Variants in HOOK2 observed in about 807,000 individuals in gnomAD.
HOOK2 encodes protein Hook homolog 2.
HOOK2 carries 108 observed loss-of-function variants against 111.9 expected under a neutral mutation model. The observed-to-expected ratio is 0.96, with a 90% CI of 0.83 to 1.13. The LOEUF is 1.13. Ranked by LOEUF, HOOK2 falls within the 50% of genes most tolerant of loss-of-function variation. The pLI, the probability that HOOK2 is intolerant of heterozygous loss-of-function variation, is 0.00. For missense variants in HOOK2, 978 were observed against 951.3 expected (o/e 1.03, Z -0.37); for synonymous variants, 405 against 394.3 (o/e 1.03, Z -0.32).
rs1599520330 is a variant in HOOK2 at position 12,785,314 on chromosome 19, A to C, written n.42-11089T>G. On this transcript the variant is annotated intron_variant and non_coding_transcript_variant, in intron 3 of 3. Coordinates refer to the HOOK2 transcript ENST00000589765. Reference sequence around the variant, plus strand: ...CTCTTTTTCACACACACACACACACACCAGATCGTATACACACATACATAC... The same window carrying C: ...CTCTTTTTCACACACACACACACACCCCAGATCGTATACACACATACATAC... 2.6e-5 allele frequency among the ~76,000 whole-genome samples: 4 copies of C among 151,266 alleles called. No individual in the cohort carries two copies. The Middle Eastern group carries it at 0.014, about 515-fold the overall frequency.
chr19:12,767,816 C>G lies in HOOK2; in HGVS notation c.1303G>C (p.Asp435His). Residue 435 changes from aspartate to histidine, a missense_variant and splice_region_variant, in exon 13 of 23, where the codon GAT (aspartate) becomes CAT (histidine). This residue lies in a region of HOOK2 where 388 missense variants were observed against 358.3 expected (regional missense o/e 1.08). Coordinates refer to ENST00000397668, the MANE Select transcript of HOOK2 (RefSeq NM_013312.3). The stretch of plus-strand genomic sequence containing the variant: ...ACCCCGGGATGGGGCTTCATCTCAC[C>G]GGCCTGGGTCAACCCCCGCGGCTGC... The part of the protein sequence containing the change: ...QLQPRGLTQA[D>H]PSLDPTSTPV... 1 of 1,601,204 alleles carries G rather than the reference C, an allele frequency of 6.2e-7. No homozygotes were observed. Among genetic ancestry groups the G allele is most frequent in the Non-Finnish European group, 8.5e-7 (1 of 1,179,594 alleles).
upstream of HOOK2, among the ~76,000 whole-genome samples, chr19:12,781,532 T>A (rs908914772): frequency 2.6e-5 from 4 of 151,744 alleles, no homozygotes; most frequent in African/African-American, 9.7e-5. Flanking sequence ...TTCAGTGTGT[T>A]AGCCAGGATG....
rs746421791 is a variant in HOOK2 at position 12,763,475 on chromosome 19, C to A, written c.2011-44G>T. ...TTGGGGTCAGGTGAGCTCACAGGAC[C>A]CCCCCACCAATATTCTACCCATGAG... On this transcript the variant is annotated intron_variant, in intron 22 of 22. Transcript: ENST00000397668. The A allele has an allele frequency of 3.1e-6, 5 of 1,613,436 alleles. No homozygotes were observed. In the Admixed American group the frequency reaches 6.7e-5, roughly 22 times the overall value.
At chr19:12,765,762 G>C in intron 17 of HOOK2, 38 bp from the exon 18 acceptor site, 1 of 1,614,178 alleles carries the variant, frequency 6.2e-7, no homozygotes, top group Non-Finnish European at 8.5e-7. Context: ...GGGGGATCCA[G>C]AGAGGCCCTA....
chr19:12,774,808 T>G lies in HOOK2; in HGVS notation c.131+4A>C. On this transcript the variant is annotated splice_donor_region_variant and intron_variant, in intron 2 of 22. Transcript: ENST00000397668. Reference sequence around the variant, plus strand: ...TTGGGATCCTCCCCTTCAGCTCCACTCACATCTGGTTCAGCACATAGGCTA... The same window carrying G: ...TTGGGATCCTCCCCTTCAGCTCCACGCACATCTGGTTCAGCACATAGGCTA... 6.2e-7 allele frequency: 1 copy of G among 1,613,924 alleles called. No homozygotes were observed. The highest frequency in any genetic ancestry group is 8.5e-7 in the Non-Finnish European group (1 of 1,179,920).
At chr19:12,774,942 G>A in intron 1 of HOOK2, 45 bp from the exon 2 acceptor site, 1 of 1,546,276 alleles carries the variant, frequency 6.5e-7, no homozygotes, top group Middle Eastern at 1.9e-4. Context: ...GGGCCTGGGA[G>A]CGCCGAACCG....
intron 10 of HOOK2, among the ~76,000 whole-genome samples, 177 bp from the exon 11 acceptor site, chr19:12,770,259 A>G (rs1311367553): frequency 6.6e-6 from 1 of 151,906 alleles, no homozygotes; most frequent in African/African-American, 2.4e-5. Flanking sequence ...GTTGAGAGTC[A>G]TTACAGCAAT....
Position 12,770,006 on chromosome 19 carries a change from G to T in HOOK2, c.979C>A (p.Leu327Met). The T allele has an allele frequency of 6.5e-7, 1 of 1,542,576 alleles. No individual in the cohort carries two copies. Among genetic ancestry groups the T allele is most frequent in the Non-Finnish European group, 8.7e-7 (1 of 1,147,994 alleles). ...TCCAGCTGCCGCACCTGCCGCCGCAGCTCCCTCAGCTCGCCCAAGCGGCGC... is the reference window on the plus strand; with the variant it reads ...TCCAGCTGCCGCACCTGCCGCCGCATCTCCCTCAGCTCGCCCAAGCGGCGC... ...CRRRLGELRE[L>M]RRQVRQLEER... The change falls in exon 11 of 23, where the codon CTG becomes ATG. Residue 327 changes from leucine (L) to methionine (M), a missense_variant. Leu to Met is a conservative substitution (Grantham distance 15, BLOSUM62 2). Coordinates refer to ENST00000397668, the MANE Select transcript of HOOK2 (RefSeq NM_013312.3).
In HOOK2 at chr19:12,767,922, A is replaced by C. The variant is rs1286641968; in HGVS notation, c.1216-19T>G. 1 of 1,611,696 alleles carries C rather than the reference A, an allele frequency of 6.2e-7. No homozygotes were observed. The highest frequency in any genetic ancestry group is 8.5e-7 in the Non-Finnish European group (1 of 1,179,074). On this transcript the variant is annotated intron_variant, in intron 12 of 22. Transcript: ENST00000397668. ...ACAGCCGCTGCAGGGACAGGGTACA[A>C]GACACTCCACGGGTCAGGCTCGGCC... is the stretch of plus-strand genomic sequence containing the variant.
chr19:12,767,032 G>A (rs984482767), intron 14 of HOOK2, among the ~76,000 whole-genome samples: 2 of 152,174 alleles, frequency 1.3e-5, no homozygotes, highest in Non-Finnish European at 2.9e-5. Flanking sequence ...GCCTGGCCCG[G>A]GGTGGGAGAG....
upstream of HOOK2, among the ~76,000 whole-genome samples, chr19:12,782,195 C>T (rs1002460473): frequency 6.6e-6 from 1 of 152,206 alleles, no homozygotes; most frequent in Non-Finnish European, 1.5e-5. Context: ...GATGTATCTG[C>T]CACCTACCTA....
In HOOK2 at chr19:12,767,894, C is replaced by T. The variant is rs1297592432; in HGVS notation, c.1225G>A (p.Ala409Thr). Residue 409 changes from alanine (A) to threonine (T), a missense_variant, in exon 13 of 23, where the codon GCG becomes ACG. Ala to Thr is a moderately conservative substitution (Grantham distance 58). This residue lies in a region of HOOK2 where 388 missense variants were observed against 358.3 expected (regional missense o/e 1.08). Transcript: ENST00000397668. ...GCCTCCCGCAAGGAGTCCCGCTCCG[C>T]CAACAGCCGCTGCAGGGACAGGGTA... ...SVTKEKERLL[A>T]ERDSLREANE... is the part of the protein sequence containing the mutation. 1 of 1,610,290 alleles carries T rather than the reference C, an allele frequency of 6.2e-7. No homozygotes were observed. Among genetic ancestry groups the T allele is most frequent in the Admixed American group, 1.7e-5 (1 of 59,982 alleles).
At chr19:12,784,063 C>T (rs1458845332) in intron 3 of HOOK2, among the ~76,000 whole-genome samples, 2 of 152,046 alleles carry the variant, frequency 1.3e-5, no homozygotes, top group South Asian at 2.1e-4. Flanking sequence ...TCCTGACCCG[C>T]GGGTGGCCCG....
rs373544812 is a variant in HOOK2, at chr19:12,763,521, C to T, written c.2010+7G>A. ...ATGAGATCTTAGAGCCCAGACCCCA[C>T]ACTTACCATATTATACCAGGCACTG... On this transcript the variant is annotated splice_region_variant and intron_variant, in intron 22 of 22. Transcript: ENST00000397668. 32 of 1,614,236 alleles carry T rather than the reference C, an allele frequency of 2.0e-5. No homozygotes were observed. In the African/African-American group the frequency reaches 4.0e-4, roughly 20 times the overall value.
At chr19:12,763,841 G>C (rs569208733) in intron 20 of HOOK2, 63 bp from the exon 21 acceptor site, 6 of 1,111,798 alleles carry the variant, frequency 5.4e-6, no homozygotes, top group South Asian at 5.3e-5. Flanking sequence ...GACATACTGG[G>C]GTGTGTGTAT....
intron 3 of HOOK2, among the ~76,000 whole-genome samples, chr19:12,787,648 A>G (rs1051492655): frequency 6.6e-6 from 1 of 151,746 alleles, no homozygotes; most frequent in South Asian, 2.1e-4. Context: ...ACAAAACAAA[A>G]CAAACAATAA....
intron 3 of HOOK2, among the ~76,000 whole-genome samples, chr19:12,785,428 A>G (rs556808356): frequency 1.3e-5 from 2 of 151,488 alleles, no homozygotes; most frequent in East Asian, 1.9e-4. Context: ...TCTTTTACAC[A>G]CACACAAACA....
At chr19:12,776,886 C>T (rs776377122), upstream of HOOK2, among the ~76,000 whole-genome samples, 4 of 151,126 alleles carry the variant, frequency 2.6e-5, no homozygotes, top group Non-Finnish European at 5.9e-5. Flanking sequence ...GGGCCGGGCG[C>T]GGCGGCTCAC....
rs373511254 is a variant in HOOK2 at position 12,765,017 on chromosome 19, G to A, written c.1705C>T (p.Pro569Ser). The change falls in exon 19 of 23, where the codon CCA becomes TCA. Residue 569 changes from proline (P) to serine (S), a missense_variant. Physicochemically the swap from Pro to Ser is moderately conservative, Grantham distance 74. This residue lies in a region of HOOK2 where 277 missense variants were observed against 265.8 expected (regional missense o/e 1.04). Transcript: ENST00000397668. Reference protein sequence around the residue: ...RKREYIEELEPPTDSSTARRI... With the variant: ...RKREYIEELESPTDSSTARRI... ...TACTTACTGCTGCTGTCAGTGGGTG[G>A]CTCCAGCTCCTCAATGTACTCCCGC... 1.9e-6 allele frequency: 3 copies of A among 1,614,096 alleles called. No individual in the cohort carries two copies. Among genetic ancestry groups the A allele is most frequent in the Non-Finnish European group, 1.7e-6 (2 of 1,179,986 alleles).
Sources: allele counts gnomAD v4.1 joint callset (sites outside exome capture counted in the v4.1 genomes callset), GRCh38; gene constraint gnomAD v4.1.1; regional missense constraint gnomAD v4.1.1; transcripts MANE v1.5; gene names NCBI Gene and HGNC (gene_info 2026-07-23, HGNC 2026-07-21).